Variants in AJAP1 observed in about 807,000 individuals in gnomAD.
The protein encoded by AJAP1 is adherens junction-associated protein 1.
In AJAP1, 5 loss-of-function variants were observed where a neutral mutation model predicts 35.0. The ratio of observed to expected loss-of-function variants is 0.14; its 90% CI spans 0.07 to 0.30. The LOEUF is 0.30. Ranked by LOEUF, AJAP1 falls within the 10% of genes least tolerant of loss-of-function variation. The pLI, the probability that AJAP1 is intolerant of heterozygous loss-of-function variation, is 1.00. For missense variants in AJAP1, 586 were observed against 571.0 expected, an observed-to-expected ratio of 1.03 and a Z score of -0.27; for synonymous variants, 284 against 249.3, an observed-to-expected ratio of 1.14 and a Z score of -1.31.
intron 2 of AJAP1, among the ~76,000 whole-genome samples, chr1:4,746,246 C>G (rs551995466): frequency 6.6e-6 from 1 of 152,280 alleles, no homozygotes; most frequent in South Asian, 2.1e-4. Context: ...CTCTATATCT[C>G]TATGTGTCTC....
At chr1:4,713,089 G>A (rs6426433) in intron 2 of AJAP1, among the ~76,000 whole-genome samples, 7,272 of 152,208 alleles carry the variant, frequency 0.048, 214 homozygotes, top group Middle Eastern at 0.085. Context: ...ATGCTTGCCC[G>A]TCTCGTGATA....
At chr1:4,756,258 C>T (rs539876314) in intron 2 of AJAP1, among the ~76,000 whole-genome samples, 1 of 152,196 alleles carries the variant, frequency 6.6e-6, no homozygotes, top group Non-Finnish European at 1.5e-5. Context: ...TGGTGAGGGG[C>T]TTGGCCCTGC....
Position 4,732,413 on chromosome 1 carries a change from C to G in AJAP1, c.829+19714C>G, listed in dbSNP as rs533708648. On this transcript the variant is annotated intron_variant, in intron 2 of 5. Coordinates refer to ENST00000378191, the MANE Select transcript of AJAP1 (RefSeq NM_018836.4). Reference sequence around the variant, plus strand: ...GAAAGGGAGAAATTGTATGTGGCTGCTGGAGAGGGGACCTCCAAGCTACCC... The same window carrying G: ...GAAAGGGAGAAATTGTATGTGGCTGGTGGAGAGGGGACCTCCAAGCTACCC... Among the ~76,000 whole-genome samples the G allele has an allele frequency of 1.0e-4, 16 of 152,388 alleles. No homozygotes were observed. In the South Asian group the frequency reaches 2.7e-3, roughly 26 times the overall value.
rs1421093354 is a variant in AJAP1 at position 4,792,498 on chromosome 1, A to G, written c.*10013A>G. ...GTATATTTAGTACTCTGATGTTGCT[A>G]TTAAAAAAAAAAACATAATATGAAA... On this transcript the variant is annotated 3_prime_UTR_variant, in exon 6 of 6. Coordinates refer to ENST00000378191, the MANE Select transcript of AJAP1 (RefSeq NM_018836.4). The G allele has an allele frequency of 4.2e-5, 6 of 141,554 alleles. No individual in the cohort carries two copies. The highest frequency in any genetic ancestry group is 1.6e-4 in the African/African-American group (6 of 37,522). 8.8% of individuals were successfully genotyped at this position (141,554 alleles called of 1,614,324 possible).
At chr1:4,746,201 C>G (rs907322292) in intron 2 of AJAP1, among the ~76,000 whole-genome samples, 5 of 152,240 alleles carry the variant, frequency 3.3e-5, no homozygotes, top group African/African-American at 1.2e-4. Flanking sequence ...GCTGCATCTC[C>G]CCAGTCTCTG....
intron 1 of AJAP1, among the ~76,000 whole-genome samples, chr1:4,672,649 T>C (rs1557602856): frequency 1.3e-5 from 2 of 152,054 alleles, no homozygotes; most frequent in Admixed American, 1.3e-4. Flanking sequence ...TGCCTGGTGC[T>C]CCACCGCCCT....
At chr1:4,775,797 G>A (rs996320885) in intron 5 of AJAP1, among the ~76,000 whole-genome samples, 15 of 152,222 alleles carry the variant, frequency 9.9e-5, no homozygotes, top group Admixed American at 5.2e-4. Flanking sequence ...GAGGCGGGTT[G>A]CCCCCACCAT....
intron 2 of AJAP1, among the ~76,000 whole-genome samples, chr1:4,728,338 A>T (rs976977242): frequency 6.6e-6 from 1 of 151,914 alleles, no homozygotes; most frequent in South Asian, 2.1e-4. Flanking sequence ...TGGAGGGTTT[A>T]TTCCAAACTC....
intron 2 of AJAP1, among the ~76,000 whole-genome samples, chr1:4,762,711 C>T (rs1256493117): frequency 1.3e-5 from 2 of 152,150 alleles, no homozygotes; most frequent in Non-Finnish European, 2.9e-5. Context: ...TGTGAGTCTC[C>T]CTGCTGAATT....
chr1:4,688,256 G>T lies in AJAP1; in HGVS notation c.30-23644G>T, dbSNP rs530427268. 2.0e-5 allele frequency among the ~76,000 whole-genome samples: 3 copies of T among 152,284 alleles called. No homozygotes were observed. In the East Asian group the frequency reaches 5.8e-4, roughly 30 times the overall value. ...GGCATTGGCATGCGGGGGGAGTGGG[G>T]ACATGTACTCACTGTGACCACACGG... On this transcript the variant is annotated intron_variant, in intron 1 of 5. Coordinates refer to ENST00000378191, the MANE Select transcript of AJAP1 (RefSeq NM_018836.4).
intron 2 of AJAP1, among the ~76,000 whole-genome samples, chr1:4,759,498 C>T (rs992954484): frequency 1.2e-4 from 19 of 152,198 alleles, no homozygotes; most frequent in African/African-American, 4.1e-4. Flanking sequence ...TGCCCAGCCC[C>T]GTGTCTTCTG....
chr1:4,731,751 A>G (rs1460961683), intron 2 of AJAP1, among the ~76,000 whole-genome samples: 1 of 152,254 alleles, frequency 6.6e-6, no homozygotes, highest in African/African-American at 2.4e-5. Context: ...CTAGAGAAGC[A>G]CACAGGGCCG....
intron 2 of AJAP1, among the ~76,000 whole-genome samples, chr1:4,757,149 G>C (rs1641451165): frequency 6.6e-6 from 1 of 152,212 alleles, no homozygotes; most frequent in African/African-American, 2.4e-5. Context: ...TGTCAGTGGA[G>C]GCCGCCTCAC....
At chr1:4,694,045 T>C (rs1639802025) in intron 1 of AJAP1, among the ~76,000 whole-genome samples, 1 of 152,180 alleles carries the variant, frequency 6.6e-6, no homozygotes, top group South Asian at 2.1e-4. Flanking sequence ...TAGACCCGTG[T>C]TGGGGCTGCC....
At position 4,674,611 on chromosome 1, in the gene AJAP1, CCAGGAGTGGCTGGCCAGGCCTT is replaced by C. The variant is rs971231133; in HGVS notation, c.29+19171_29+19192del. Among the ~76,000 whole-genome samples, 6 of 152,212 alleles carry C rather than the reference CCAGGAGTGGCTGGCCAGGCCTT, an allele frequency of 3.9e-5. No individual in the cohort carries two copies. The East Asian group carries it at 7.7e-4, about 20-fold the overall frequency. ...CTGAGCCCCAGCAGCTGGGTAGGCA[CCAGGAGTGGCTGGCCAGGCCTT>C]CAGGAGTGGCTGGTGCTGCGGCTGT... is the stretch of plus-strand genomic sequence containing the variant. On this transcript the variant is annotated intron_variant, in intron 1 of 5. Coordinates refer to ENST00000378191, the MANE Select transcript of AJAP1 (RefSeq NM_018836.4).
At chr1:4,729,070 T>A (rs1442970942) in intron 2 of AJAP1, among the ~76,000 whole-genome samples, 1 of 152,048 alleles carries the variant, frequency 6.6e-6, no homozygotes, top group African/African-American at 2.4e-5. Flanking sequence ...TTCTGATACA[T>A]CCTGGAAAAA....
intron 1 of AJAP1, among the ~76,000 whole-genome samples, chr1:4,670,116 A>T (rs1639217763): frequency 6.6e-6 from 1 of 152,182 alleles, no homozygotes; most frequent in Admixed American, 6.5e-5. Flanking sequence ...TACCATTTAC[A>T]GGTGGCTGCC....
chr1:4,738,061 A>AT (rs1445795026), intron 2 of AJAP1, among the ~76,000 whole-genome samples: 1 of 152,214 alleles, frequency 6.6e-6, no homozygotes, highest in Non-Finnish European at 1.5e-5. Context: ...CCCAGGCTTG[A>AT]TTTTACCTGG....
At chr1:4,704,907 A>G (rs1051363236) in intron 1 of AJAP1, among the ~76,000 whole-genome samples, 22 of 152,270 alleles carry the variant, frequency 1.4e-4, no homozygotes, top group African/African-American at 2.2e-4. Flanking sequence ...CTGATGGCCA[A>G]TGATGGTGAG....
Sources: gnomAD v4.1 joint callset for allele counts (sites outside exome capture counted in the v4.1 genomes callset) on GRCh38, gnomAD v4.1.1 for gene constraint, MANE v1.5 for transcripts, NCBI Gene and HGNC (gene_info 2026-07-23, HGNC 2026-07-21) for gene names.